Variants in AGAP1 observed in about 807,000 individuals in gnomAD.
The protein encoded by AGAP1 is arf-GAP with GTPase, ANK repeat and PH domain-containing protein 1.
A neutral mutation model predicts 105.3 loss-of-function variants in AGAP1; 29 were observed. The observed-to-expected ratio is 0.28, with a 90% CI of 0.21 to 0.38. The LOEUF is 0.38. Ranked by LOEUF, AGAP1 falls within the 10% of genes least tolerant of loss-of-function variation. The probability of loss-of-function intolerance (pLI) is 1.00; values close to 1 mark genes in which losing one functional copy is unlikely to be tolerated. For missense variants in AGAP1, 998 were observed against 1,165.1 expected (o/e 0.86, Z 2.09); for synonymous variants, 509 against 485.9 (o/e 1.05, Z -0.63).
chr2:235,510,956 T>G (rs1204514435), intron 1 of AGAP1, among the ~76,000 whole-genome samples: 1 of 115,934 alleles, frequency 8.6e-6, no homozygotes, highest in Non-Finnish European at 1.6e-5. Context: ...ATCCGGATGT[T>G]TGGCCAAGAT....
intron 16 of AGAP1, among the ~76,000 whole-genome samples, chr2:236,102,774 G>C (rs2059390065): frequency 6.6e-6 from 1 of 152,068 alleles, no homozygotes; most frequent in Non-Finnish European, 1.5e-5. Context: ...AACGTCCCGT[G>C]TTTTGTTGTG....
chr2:236,013,317 C>T (rs1011111333), intron 13 of AGAP1, among the ~76,000 whole-genome samples: 1 of 152,186 alleles, frequency 6.6e-6, no homozygotes, highest in Non-Finnish European at 1.5e-5. Context: ...TCATCCCAGG[C>T]GCCTAGTCAT....
rs1345897790 is a variant in AGAP1, at chr2:235,930,328, A to G, written c.1325-437A>G. Among the ~76,000 whole-genome samples, 1 of 152,152 alleles carries G rather than the reference A, an allele frequency of 6.6e-6. No individual in the cohort carries two copies. Among genetic ancestry groups the G allele is most frequent in the African/African-American group, 2.4e-5 (1 of 41,420 alleles). On this transcript the variant is annotated intron_variant, in intron 11 of 17. Coordinates refer to ENST00000304032, the MANE Select transcript of AGAP1 (RefSeq NM_001037131.3). This position sits in a 1 kb window ranked among gnomAD's most constrained non-coding sequence, Gnocchi z 7.9. ...CATGAAAATAATCCTCTGGCACCAG[A>G]CAGTTGACTCTCAATGGGTGATCAT... is the stretch of plus-strand genomic sequence containing the variant.
At chr2:235,760,505 T>G (rs1284794007) in intron 6 of AGAP1, among the ~76,000 whole-genome samples, 1 of 152,246 alleles carries the variant, frequency 6.6e-6, no homozygotes, top group East Asian at 1.9e-4. Flanking sequence ...ATCATCCAAG[T>G]GTTTTTGAAT....
rs1191957748 is a variant in AGAP1 at position 235,723,094 on chromosome 2, C to T, written c.310+5450C>T. 1.7e-4 allele frequency among the ~76,000 whole-genome samples: 26 copies of T among 152,304 alleles called. 1 individual carries two copies. The highest frequency in any genetic ancestry group is 1.7e-3 in the Admixed American group (26 of 15,304). On this transcript the variant is annotated intron_variant, in intron 3 of 17. Transcript: ENST00000304032. This position sits in a 1 kb window ranked among gnomAD's most constrained non-coding sequence, Gnocchi z 6.2. ...GCCAGTGATGCTTTTGCAAGCTCTG[C>T]TGGTGTTCTAGAACCTCACAAGGAC...
Position 235,569,623 on chromosome 2 carries a change from C to T in AGAP1, c.163+74774C>T, listed in dbSNP as rs1428773593. On this transcript the variant is annotated intron_variant, in intron 1 of 17. Coordinates refer to ENST00000304032, the MANE Select transcript of AGAP1 (RefSeq NM_001037131.3). The surrounding 1 kb of genome is among the most constrained non-coding windows in gnomAD (Gnocchi z 5.9). ...AGGTTTGGAGGATTCGAAGGACATC[C>T]CTGGAGGGGCTGTGCCCAGGTAGGG... Among the ~76,000 whole-genome samples, 1 of 152,152 alleles carries T rather than the reference C, an allele frequency of 6.6e-6. No homozygotes were observed. The highest frequency in any genetic ancestry group is 1.5e-5 in the Non-Finnish European group (1 of 68,028).
rs1395935115 is a variant in AGAP1, at chr2:235,787,873, C to T, written c.674-9886C>T. Among the ~76,000 whole-genome samples the T allele has an allele frequency of 1.2e-5, 1 of 84,294 alleles. No individual in the cohort carries two copies. Among genetic ancestry groups the T allele is most frequent in the Admixed American group, 1.7e-4 (1 of 5,742 alleles). 55.3% of individuals were successfully genotyped at this position (84,294 alleles called of 152,430 possible). A position where few individuals can be genotyped will look rare whatever the true frequency, so the allele number is the denominator to read the frequency against. On this transcript the variant is annotated intron_variant, in intron 6 of 17. Coordinates refer to ENST00000304032, the MANE Select transcript of AGAP1 (RefSeq NM_001037131.3). The surrounding 1 kb of genome is among the most constrained non-coding windows in gnomAD (Gnocchi z 4.4). ...GTGGGACCAAGAGCAAGATCAAGAG[C>T]GTTCTAGACCATGAGCATTCTGGGA...
At chr2:235,576,295 T>C (rs1944730306) in intron 1 of AGAP1, among the ~76,000 whole-genome samples, 1 of 152,190 alleles carries the variant, frequency 6.6e-6, no homozygotes, top group African/African-American at 2.4e-5. Context: ...CTCCAGTCTT[T>C]TCTATAAAAG....
intron 11 of AGAP1, among the ~76,000 whole-genome samples, chr2:235,922,478 A>T (rs1559650011): frequency 6.6e-6 from 1 of 152,198 alleles, no homozygotes; most frequent in Non-Finnish European, 1.5e-5. Flanking sequence ...TTTCCTAGTT[A>T]AATGCTTTGG....
In AGAP1 at chr2:235,612,935, T is replaced by C. The variant is rs974779930; in HGVS notation, c.164-96244T>C. Among the ~76,000 whole-genome samples the C allele has an allele frequency of 6.6e-6, 1 of 152,156 alleles. No homozygotes were observed. The highest frequency in any genetic ancestry group is 1.5e-5 in the Non-Finnish European group (1 of 68,022). On this transcript the variant is annotated intron_variant, in intron 1 of 17. Coordinates refer to ENST00000304032, the MANE Select transcript of AGAP1 (RefSeq NM_001037131.3). The surrounding 1 kb of genome is among the most constrained non-coding windows in gnomAD (Gnocchi z 4.3). ...AGGCATCTCTGATGATGCCTAAGGA[T>C]GTCCTTCTAATTTGGAGTTAACCTC...
chr2:235,626,787 G>A (rs962824192), intron 1 of AGAP1, among the ~76,000 whole-genome samples: 4 of 152,214 alleles, frequency 2.6e-5, no homozygotes, highest in Non-Finnish European at 4.4e-5. Flanking sequence ...GGATGGTACC[G>A]TCTCTGGCAA....
Position 235,511,431 on chromosome 2 carries a change from C to G in AGAP1, c.163+16582C>G, listed in dbSNP as rs1257795537. 2.6e-5 allele frequency among the ~76,000 whole-genome samples: 4 copies of G among 152,216 alleles called. No individual in the cohort carries two copies. In the East Asian group the frequency reaches 5.8e-4, roughly 22 times the overall value. ...GGAGCCGCAGGGGGCTCAGCCAGCT[C>G]CTGGCCCTCAAGTGTTCTAGGAAAC... On this transcript the variant is annotated intron_variant, in intron 1 of 17. Coordinates refer to ENST00000304032, the MANE Select transcript of AGAP1 (RefSeq NM_001037131.3).
chr2:235,584,121 G>A lies in AGAP1; in HGVS notation c.163+89272G>A, dbSNP rs183888520. Among the ~76,000 whole-genome samples the A allele has an allele frequency of 2.6e-3, 390 of 151,718 alleles. 1 individual carries two copies. The highest frequency in any genetic ancestry group is 4.3e-3 in the Admixed American group (66 of 15,234). ...AGCTCATGGTACGCTTGGGGTTTCT[G>A]CAGAGCATGACATCAGGCTGTCTTC... On this transcript the variant is annotated intron_variant, in intron 1 of 17. Coordinates refer to ENST00000304032, the MANE Select transcript of AGAP1 (RefSeq NM_001037131.3).
Position 235,659,741 on chromosome 2 carries a change from C to G in AGAP1, c.164-49438C>G, listed in dbSNP as rs529897166. On this transcript the variant is annotated intron_variant, in intron 1 of 17. Transcript: ENST00000304032. The surrounding 1 kb of genome is among the most constrained non-coding windows in gnomAD (Gnocchi z 5.0). ...CCAAGTATTCTATTTCTTAATGGAT[C>G]TTCTAAGCCCTGGATCAATAGTGTA... is the stretch of plus-strand genomic sequence containing the variant. 3.3e-4 allele frequency among the ~76,000 whole-genome samples: 51 copies of G among 152,346 alleles called. No individual in the cohort carries two copies. The highest frequency in any genetic ancestry group is 1.2e-3 in the African/African-American group (50 of 41,576).
At chr2:236,019,461 G>A (rs377427468) in intron 13 of AGAP1, among the ~76,000 whole-genome samples, 9 of 152,322 alleles carry the variant, frequency 5.9e-5, no homozygotes, top group East Asian at 3.9e-4. Flanking sequence ...CACAGTGACC[G>A]CATCCTCAGT....
Position 236,087,308 on chromosome 2 carries a change from C to T in AGAP1, c.2115-32884C>T, listed in dbSNP as rs1470963855. 6.7e-6 allele frequency among the ~76,000 whole-genome samples: 1 copy of T among 149,148 alleles called. No homozygotes were observed. Among genetic ancestry groups the T allele is most frequent in the Non-Finnish European group, 1.5e-5 (1 of 67,422 alleles). ...GTGGGAATGAGAGGAAGCCAGAGCC[C>T]GGGGTGGGGGCGGGAGCGGGGGCTA... On this transcript the variant is annotated intron_variant, in intron 16 of 17. Coordinates refer to ENST00000304032, the MANE Select transcript of AGAP1 (RefSeq NM_001037131.3). This position sits in a 1 kb window ranked among gnomAD's most constrained non-coding sequence, Gnocchi z 5.7.
At chr2:235,523,843 A>T (rs946189369) in intron 1 of AGAP1, among the ~76,000 whole-genome samples, 1 of 150,730 alleles carries the variant, frequency 6.6e-6, no homozygotes, top group Non-Finnish European at 1.5e-5. Context: ...TAGCAGGGGG[A>T]CGGTGGTCTT....
In AGAP1 at chr2:235,789,373, G is replaced by A. The variant is rs1038664549; in HGVS notation, c.674-8386G>A. Among the ~76,000 whole-genome samples the A allele has an allele frequency of 6.6e-6, 1 of 152,084 alleles. No homozygotes were observed. Among genetic ancestry groups the A allele is most frequent in the Non-Finnish European group, 1.5e-5 (1 of 68,028 alleles). On this transcript the variant is annotated intron_variant, in intron 6 of 17. Transcript: ENST00000304032. This position sits in a 1 kb window ranked among gnomAD's most constrained non-coding sequence, Gnocchi z 4.2. ...ATTACAGTCGGCATTTAAATCCCCC[G>A]ATTAATAGGAGCAATTAAACAATAG...
Position 235,753,904 on chromosome 2 carries a change from A to G in AGAP1, c.673+3416A>G, listed in dbSNP as rs910259874. 6.6e-6 allele frequency among the ~76,000 whole-genome samples: 1 copy of G among 152,192 alleles called. No homozygotes were observed. Among genetic ancestry groups the G allele is most frequent in the African/African-American group, 2.4e-5 (1 of 41,446 alleles). ...GTTTCTTATTTGTATATGTATTTTC[A>G]TGTAAATCACAAACACTCTCATTGT... On this transcript the variant is annotated intron_variant, in intron 6 of 17. Coordinates refer to ENST00000304032, the MANE Select transcript of AGAP1 (RefSeq NM_001037131.3). This position sits in a 1 kb window ranked among gnomAD's most constrained non-coding sequence, Gnocchi z 4.5.
Sources: allele counts gnomAD v4.1 joint callset (sites outside exome capture counted in the v4.1 genomes callset), GRCh38; gene constraint gnomAD v4.1.1; non-coding constraint Gnocchi (gnomAD v3.1); transcripts MANE v1.5; gene names NCBI Gene and HGNC (gene_info 2026-07-23, HGNC 2026-07-21).